Variants in ZNF469 observed in about 807,000 individuals in gnomAD.
ZNF469 encodes zinc finger protein 469.
ZNF469 carries 1 observed loss-of-function variant against 1.0 expected under a neutral mutation model. That is an observed-to-expected ratio of 1.00 (90% CI 0.35 to 4.73). ZNF469 has a LOEUF of 4.73. ZNF469 is among the 30% of genes most tolerant of loss of function. The probability of loss-of-function intolerance (pLI) is 0.16; values close to 1 mark genes in which losing one functional copy is unlikely to be tolerated. For missense variants in ZNF469, 6,100 were observed against 5,356.3 expected, an observed-to-expected ratio of 1.14 and a Z score of -4.33; for synonymous variants, 2,703 against 2,363.4, an observed-to-expected ratio of 1.14 and a Z score of -4.17.
chr16:88,333,622 C>G, the ZNF469 span, among the ~76,000 whole-genome samples: 1 of 152,122 alleles, frequency 6.6e-6, no homozygotes. Context: ...TTCCTTCCAG[C>G]AAAGATGCAA....
At chr16:88,186,329 T>C in the ZNF469 span, among the ~76,000 whole-genome samples, 2 of 152,288 alleles carry the variant, frequency 1.3e-5, no homozygotes, top group African/African-American at 4.8e-5. Context: ...TTTCCCCTCT[T>C]TCCTTATAAA....
At chr16:88,144,881 G>A in the ZNF469 span, among the ~76,000 whole-genome samples, 2 of 150,040 alleles carry the variant, frequency 1.3e-5, no homozygotes, top group South Asian at 2.1e-4. Flanking sequence ...GCGGGGTCTC[G>A]CTCTGTAGCC....
chr16:88,305,000 G>C, the ZNF469 span, among the ~76,000 whole-genome samples: 3 of 152,118 alleles, frequency 2.0e-5, no homozygotes, highest in Non-Finnish European at 4.4e-5. Context: ...GCCACTGGAT[G>C]ATTTAGGAGC....
At chr16:88,426,777 C>G (rs1422623574) in intron 2 of ZNF469, among the ~76,000 whole-genome samples, 1 of 152,158 alleles carries the variant, frequency 6.6e-6, no homozygotes, top group Non-Finnish European at 1.5e-5. Context: ...TGGCTGACGG[C>G]AGGGGAGTCC....
At chr16:88,224,678 G>A in the ZNF469 span, among the ~76,000 whole-genome samples, 5 of 152,334 alleles carry the variant, frequency 3.3e-5, no homozygotes, top group East Asian at 3.9e-4. Context: ...CGGCAAGGCC[G>A]CGAGCTCTGC....
chr16:88,229,569 GCT>G, the ZNF469 span, among the ~76,000 whole-genome samples: 10 of 147,066 alleles, frequency 6.8e-5, no homozygotes, highest in Admixed American at 2.7e-4. Flanking sequence ...TGGATGTCAC[GCT>G]TGTGCGCTGA....
chr16:88,312,733 G>C, the ZNF469 span, among the ~76,000 whole-genome samples: 2 of 152,196 alleles, frequency 1.3e-5, no homozygotes, highest in African/African-American at 4.8e-5. Context: ...TGAGCCAGCT[G>C]TGCCAAGACC....
Position 88,433,949 on chromosome 16 carries a change from C to G in ZNF469, c.6479C>G (p.Pro2160Arg). 1 of 1,550,232 alleles carries G rather than the reference C, an allele frequency of 6.5e-7. No homozygotes were observed. The highest frequency in any genetic ancestry group is 8.7e-7 in the Non-Finnish European group (1 of 1,146,920). ...GCATCTCCGTCCTGCAGGGACCCTC[C>G]CGGCCCCCAGCAGCTGCTGGCCTGT... ...LPASPSCRDP[P>R]GPQQLLACSP... is the part of the protein sequence containing the mutation. Residue 2160 changes from proline (P) to arginine (R), a missense_variant, in exon 3 of 3, where the codon CCC becomes CGC. Pro to Arg is a moderately radical substitution (Grantham distance 103, BLOSUM62 -2). Transcript: ENST00000565624.
At chr16:88,251,536 G>GTGTTTTGTTTT in the ZNF469 span, among the ~76,000 whole-genome samples, 3 of 78,788 alleles carry the variant, frequency 3.8e-5, no homozygotes, top group Non-Finnish European at 4.7e-5. Flanking sequence ...TGTCCCTGCT[G>GTGTTTTGTTTT]TCTTTTTTTT....
chr16:88,152,683 T>TA, the ZNF469 span, among the ~76,000 whole-genome samples: 1 of 152,176 alleles, frequency 6.6e-6, no homozygotes, highest in African/African-American at 2.4e-5. This position sits in a 1 kb window ranked among gnomAD's most constrained non-coding sequence, Gnocchi z 4.2. Context: ...GATTTTTTTT[T>TA]AATGTAAGAA....
the ZNF469 span, among the ~76,000 whole-genome samples, chr16:88,358,826 C>A: frequency 6.6e-5 from 10 of 152,116 alleles, no homozygotes; most frequent in African/African-American, 2.2e-4. Flanking sequence ...TCAAGCGATT[C>A]TCCTGCCTCA....
intron 1 of ZNF469, among the ~76,000 whole-genome samples, chr16:88,387,363 G>A (rs1469943294): frequency 1.3e-5 from 2 of 152,194 alleles, no homozygotes; most frequent in Admixed American, 6.5e-5. Context: ...GCTTCAGGGC[G>A]GGGTGGGAGC....
the ZNF469 span, among the ~76,000 whole-genome samples, chr16:88,348,433 A>G: frequency 6.6e-6 from 1 of 152,194 alleles, no homozygotes; most frequent in South Asian, 2.1e-4. Flanking sequence ...CTGGCTTCAA[A>G]TAAGGCCACA....
Position 88,440,708 on chromosome 16 carries a change from T to C in ZNF469, c.*1376T>C, listed in dbSNP as rs1303720621. ...CCCTGAGGTTGTACTGTAAACATCA[T>C]AGTGACTTGTCTTTTCAAATATATT... is the stretch of plus-strand genomic sequence containing the variant. On this transcript the variant is annotated 3_prime_UTR_variant, in exon 3 of 3. Transcript: ENST00000565624. The C allele has an allele frequency of 6.6e-6, 1 of 152,120 alleles. No individual in the cohort carries two copies. Among genetic ancestry groups the C allele is most frequent in the African/African-American group, 2.4e-5 (1 of 41,386 alleles). The allele number at this position is 152,120 out of a possible 1,614,324, so 9.4% of individuals were successfully genotyped here.
chr16:88,407,037 G>C, intron 1 of ZNF469, among the ~76,000 whole-genome samples: 1 of 152,198 alleles, frequency 6.6e-6, no homozygotes, highest in East Asian at 1.9e-4. Context: ...TGATACTGGG[G>C]ACAGTGCTTA....
the ZNF469 span, among the ~76,000 whole-genome samples, chr16:88,286,480 G>T: frequency 6.6e-6 from 1 of 152,238 alleles, no homozygotes; most frequent in Non-Finnish European, 1.5e-5. Flanking sequence ...CTGCCAATCT[G>T]CAGGAGCCAG....
chr16:88,213,973 G>A, the ZNF469 span, among the ~76,000 whole-genome samples: 137 of 152,246 alleles, frequency 9.0e-4, 1 homozygote, highest in Non-Finnish European at 1.9e-4. Context: ...TGCTGAAAGC[G>A]TGGAATTTGT....
Position 88,430,855 on chromosome 16 carries a change from G to A in ZNF469, c.3385G>A (p.Gly1129Ser), listed in dbSNP as rs1331444324. 6 of 1,536,510 alleles carry A rather than the reference G, an allele frequency of 3.9e-6. No homozygotes were observed. Among genetic ancestry groups the A allele is most frequent in the Non-Finnish European group, 5.2e-6 (6 of 1,146,140 alleles). The part of the protein sequence containing the change: ...EKRKEVELTQ[G>S]PREDEPQKPR... The stretch of plus-strand genomic sequence containing the variant: ...GAGGAAGGAAGTGGAGCTGACCCAG[G>A]GTCCCAGAGAGGATGAGCCACAGAA... Residue 1129 changes from glycine to serine, a missense_variant, in exon 3 of 3, where the codon GGT becomes AGT. Physicochemically the swap from Gly to Ser is moderately conservative, Grantham distance 56. Transcript: ENST00000565624.
chr16:88,295,847 AC>A, the ZNF469 span, among the ~76,000 whole-genome samples: 4 of 151,932 alleles, frequency 2.6e-5, no homozygotes, highest in South Asian at 8.3e-4. Context: ...AATGACAGAC[AC>A]TCTCATCAAC....
Sources: allele counts gnomAD v4.1 joint callset (sites outside exome capture counted in the v4.1 genomes callset), GRCh38; gene constraint gnomAD v4.1.1; non-coding constraint Gnocchi (gnomAD v3.1); transcripts MANE v1.5; gene names NCBI Gene and HGNC (gene_info 2026-07-23, HGNC 2026-07-21).